The following DYM variants were observed in gnomAD, a reference collection of about 807,000 sequenced individuals.
DYM encodes the protein dymeclin.
In DYM, 78 loss-of-function variants were observed where a neutral mutation model predicts 93.1. The ratio of observed to expected loss-of-function variants is 0.84; its 90% confidence interval spans 0.70 to 1.01. DYM has a LOEUF of 1.01. DYM is among the 50% of genes least tolerant of loss of function. The pLI is 0.00. For missense variants in DYM, 789 were observed against 845.0 expected (o/e 0.93, Z 0.82); for synonymous variants, 321 against 319.7 (o/e 1.00, Z -0.04).
chr18:49,263,160 C>T (rs1385350168), intron 11 of DYM, among the ~76,000 whole-genome samples: 4 of 151,702 alleles, frequency 2.6e-5, no homozygotes, highest in African/African-American at 9.7e-5. Context: ...CTCTTATCAT[C>T]CAGGCTGGAG....
At chr18:49,306,393 T>C (rs777077614) in intron 8 of DYM, among the ~76,000 whole-genome samples, 2 of 152,222 alleles carry the variant, frequency 1.3e-5, no homozygotes, top group Non-Finnish European at 2.9e-5. Flanking sequence ...AAAATCCAGT[T>C]GGCTCAGAAA....
chr18:49,374,937 C>G (rs1398852238), intron 5 of DYM, among the ~76,000 whole-genome samples: 1 of 145,388 alleles, frequency 6.9e-6, no homozygotes, highest in Non-Finnish European at 1.5e-5. Context: ...CCAACCAGGG[C>G]AACAAAAGTG....
At chr18:49,420,902 C>A (rs1281221521) in intron 2 of DYM, among the ~76,000 whole-genome samples, 2 of 152,296 alleles carry the variant, frequency 1.3e-5, no homozygotes, top group East Asian at 3.9e-4. Flanking sequence ...ACCCACGGAG[C>A]CTTGCTCACT....
chr18:49,289,746 T>G (rs934157512), intron 8 of DYM, among the ~76,000 whole-genome samples: 1 of 42,864 alleles, frequency 2.3e-5, no homozygotes, highest in African/African-American at 1.2e-4. Flanking sequence ...TATATATATA[T>G]ATATATATAT....
intron 1 of DYM, among the ~76,000 whole-genome samples, chr18:49,451,826 CATTA>C (rs1220973342): frequency 4.6e-5 from 7 of 152,302 alleles, no homozygotes; most frequent in South Asian, 4.1e-4. Context: ...ATCCTAGTCA[CATTA>C]ATTGTTTTTA....
intron 17 of DYM, among the ~76,000 whole-genome samples, chr18:49,072,708 T>A (rs1447488310): frequency 6.6e-6 from 1 of 152,248 alleles, no homozygotes; most frequent in Non-Finnish European, 1.5e-5. Context: ...TGAGACTTTA[T>A]GAAAGGCTCC....
intron 3 of DYM, among the ~76,000 whole-genome samples, chr18:49,385,707 GA>G (rs2068544015): frequency 6.7e-6 from 1 of 150,270 alleles, no homozygotes; most frequent in South Asian, 2.1e-4. Context: ...AAAAAAAAAA[GA>G]AATCTGATCC....
intron 13 of DYM, among the ~76,000 whole-genome samples, chr18:49,216,181 T>G (rs1375992038): frequency 6.6e-6 from 1 of 152,050 alleles, no homozygotes; most frequent in Non-Finnish European, 1.5e-5. Context: ...AACTGCAAGG[T>G]GGCAGCGAGG....
intron 13 of DYM, among the ~76,000 whole-genome samples, chr18:49,218,895 T>C (rs915629496): frequency 1.3e-5 from 2 of 151,580 alleles, no homozygotes; most frequent in African/African-American, 4.8e-5. Context: ...AGGCAAGAAA[T>C]AACTAAAATC....
At chr18:49,312,164 C>G (rs1283324375) in intron 8 of DYM, among the ~76,000 whole-genome samples, 1 of 152,100 alleles carries the variant, frequency 6.6e-6, no homozygotes, top group African/African-American at 2.4e-5. Context: ...AGGATGAAAT[C>G]AAGAACAGAG....
chr18:49,394,541 G>C (rs749455813), intron 2 of DYM, among the ~76,000 whole-genome samples: 1 of 152,042 alleles, frequency 6.6e-6, no homozygotes, highest in Non-Finnish European at 1.5e-5. Context: ...AGAAATTTTA[G>C]AATTTTTTTT....
At chr18:49,060,699 C>T (rs1218677695) in intron 17 of DYM, among the ~76,000 whole-genome samples, 1 of 15,840 alleles carries the variant, frequency 6.3e-5, no homozygotes, top group East Asian at 1.8e-3. Context: ...GGGGGAGAGA[C>T]GGAGGGGGAG....
chr18:49,432,432 C>A (rs1157790148), intron 1 of DYM, among the ~76,000 whole-genome samples: 1 of 147,974 alleles, frequency 6.8e-6, no homozygotes, highest in African/African-American at 2.5e-5. Flanking sequence ...GGACATAATA[C>A]ACTAGTGAAA....
chr18:49,175,889 C>T (rs1234862852), intron 14 of DYM, among the ~76,000 whole-genome samples: 1 of 152,042 alleles, frequency 6.6e-6, no homozygotes, highest in Non-Finnish European at 1.5e-5. Context: ...AGGTTCCCAC[C>T]AAAAGGGCAC....
chr18:49,038,018 C>G lies in DYM; in HGVS notation c.*6037G>C, dbSNP rs1176647956. Among the ~76,000 whole-genome samples the G allele has an allele frequency of 3.9e-5, 6 of 152,110 alleles. No individual in the cohort carries two copies. In the East Asian group the frequency reaches 1.2e-3, roughly 29 times the overall value. On this transcript the variant is annotated 3_prime_UTR_variant, in exon 18 of 18. Coordinates refer to ENST00000675505, the MANE Select transcript of DYM (RefSeq NM_001353214.3). ...TTTTTTATTTTTTGTAAAGGTGGGG[C>G]CTCATTATGTTGCCCAAGCTGGTCT...
intron 8 of DYM, among the ~76,000 whole-genome samples, chr18:49,307,125 T>C (rs113906383): frequency 2.8e-4 from 43 of 152,130 alleles, no homozygotes; most frequent in African/African-American, 8.9e-4. Flanking sequence ...TCTAGAAAGC[T>C]AGTTTATTAT....
At chr18:49,216,392 G>T (rs2093044448) in intron 13 of DYM, among the ~76,000 whole-genome samples, 1 of 152,202 alleles carries the variant, frequency 6.6e-6, no homozygotes, top group Non-Finnish European at 1.5e-5. Flanking sequence ...CAGCTTTGAA[G>T]AGAGTAGTGG....
chr18:49,234,720 T>C (rs76527927), intron 13 of DYM, among the ~76,000 whole-genome samples: 12,587 of 152,240 alleles, frequency 0.083, 650 homozygotes, highest in East Asian at 0.18. Context: ...TTTGCAGACA[T>C]AATTAAGATT....
chr18:49,228,615 T>C (rs990065159), intron 13 of DYM, among the ~76,000 whole-genome samples: 1 of 152,184 alleles, frequency 6.6e-6, no homozygotes, highest in African/African-American at 2.4e-5. Flanking sequence ...TTTATAGTTA[T>C]CACTTTATTC....
Sources: gnomAD v4.1 joint callset for allele counts (sites outside exome capture counted in the v4.1 genomes callset) on GRCh38, gnomAD v4.1.1 for gene constraint, MANE v1.5 for transcripts, NCBI Gene and HGNC (gene_info 2026-07-23, HGNC 2026-07-21) for gene names.